Variants in CAMSAP1 observed in about 807,000 individuals in gnomAD.
CAMSAP1 encodes the protein calmodulin regulated spectrin associated protein 1, also known as calmodulin-regulated spectrin-associated protein 1.
Under a neutral mutation model 143.5 loss-of-function variants are expected in CAMSAP1, and 58 were observed. The observed-to-expected ratio is 0.40, with a 90% confidence interval of 0.33 to 0.50. The LOEUF is 0.50. Ranked by LOEUF, CAMSAP1 falls within the 20% of genes least tolerant of loss-of-function variation. The pLI, the probability that CAMSAP1 is intolerant of heterozygous loss-of-function variation, is 0.45. For synonymous variants in CAMSAP1, 945 were observed against 859.3 expected (o/e 1.10, Z -1.74); for missense variants, 1,969 against 2,115.7 (o/e 0.93, Z 1.36).
chr9:135,846,139 G>T (rs1836541128), intron 7 of CAMSAP1, among the ~76,000 whole-genome samples: 1 of 144,342 alleles, frequency 6.9e-6, no homozygotes, highest in Admixed American at 6.9e-5. Context: ...TATACTACAA[G>T]GCTATAGTAA....
chr9:135,839,872 C>A, intron 7 of CAMSAP1, among the ~76,000 whole-genome samples: 1 of 152,008 alleles, frequency 6.6e-6, no homozygotes, highest in East Asian at 1.9e-4. Flanking sequence ...AAAGCCTGGG[C>A]ACAGTTAACA....
chr9:135,894,587 G>A (rs1838390803), intron 1 of CAMSAP1, among the ~76,000 whole-genome samples: 1 of 152,174 alleles, frequency 6.6e-6, no homozygotes, highest in Non-Finnish European at 1.5e-5. Flanking sequence ...CCAGGGGAGA[G>A]GCTAAGTCAA....
Position 135,882,037 on chromosome 9 carries a change from G to A in CAMSAP1, c.424-243C>T, listed in dbSNP as rs941109778. On this transcript the variant is annotated intron_variant, in intron 2 of 16. Transcript: ENST00000389532. This position sits in a 1 kb window ranked among gnomAD's most constrained non-coding sequence, Gnocchi z 4.9. The stretch of plus-strand genomic sequence containing the variant: ...AGTCCGTTCTCAGGCAGGCAGGCCA[G>A]CCCTGTGGCCCACAGTGCACTGTCT... Among the ~76,000 whole-genome samples the A allele has an allele frequency of 1.2e-3, 179 of 152,240 alleles. 6 individuals carry two copies. The highest frequency in any genetic ancestry group is 0.011 in the Admixed American group (175 of 15,290).
chr9:135,887,925 T>G (rs1186757149), intron 1 of CAMSAP1, among the ~76,000 whole-genome samples: 3 of 151,960 alleles, frequency 2.0e-5, no homozygotes, highest in Non-Finnish European at 2.9e-5. Context: ...TGGACTGCTG[T>G]GGGGCAGGCC....
intron 3 of CAMSAP1, among the ~76,000 whole-genome samples, chr9:135,872,710 T>C (rs1165293712): frequency 1.3e-5 from 2 of 152,196 alleles, no homozygotes; most frequent in East Asian, 3.8e-4. Flanking sequence ...TGAATCCACA[T>C]CCACATTAAA....
intron 7 of CAMSAP1, among the ~76,000 whole-genome samples, chr9:135,848,485 C>T (rs976704128): frequency 1.8e-4 from 28 of 151,822 alleles, no homozygotes; most frequent in Non-Finnish European, 3.2e-4. Context: ...GCCCAATGAA[C>T]CACTGCCTTT....
intron 3 of CAMSAP1, among the ~76,000 whole-genome samples, chr9:135,867,036 A>C (rs766086681): frequency 3.9e-5 from 6 of 152,238 alleles, no homozygotes; most frequent in Admixed American, 6.5e-5. Context: ...AACTTCTTAG[A>C]AATTTAAGTA....
At chr9:135,885,405 C>A (rs1431101952) in intron 1 of CAMSAP1, among the ~76,000 whole-genome samples, 2 of 152,144 alleles carry the variant, frequency 1.3e-5, no homozygotes, top group East Asian at 1.9e-4. Flanking sequence ...ATGCAGTCCC[C>A]CTAGGAGAGC....
intron 7 of CAMSAP1, among the ~76,000 whole-genome samples, chr9:135,848,951 G>A (rs1030476133): frequency 3.3e-5 from 5 of 152,200 alleles, no homozygotes; most frequent in African/African-American, 9.7e-5. Flanking sequence ...TAACACTCTC[G>A]CCAGCAGTGG....
In CAMSAP1 at chr9:135,810,217, CT is replaced by C. The variant is rs1305233665; in HGVS notation, c.*1091del. On this transcript the variant is annotated 3_prime_UTR_variant, in exon 17 of 17. Transcript: ENST00000389532. ...CCACTTACTTGGAGTTCTGAAATAA[CT>C]GCAAATAACCACTTAATTGTTTTTA... 6.6e-6 allele frequency: 1 copy of C among 152,284 alleles called. No homozygotes were observed. The highest frequency in any genetic ancestry group is 2.4e-5 in the African/African-American group (1 of 41,450). 9.4% of individuals were successfully genotyped at this position (152,284 alleles called of 1,614,324 possible). A position where few individuals can be genotyped will look rare whatever the true frequency, so the allele number is the denominator to read the frequency against.
intron 16 of CAMSAP1, among the ~76,000 whole-genome samples, chr9:135,812,353 C>A (rs940475575): frequency 6.6e-6 from 1 of 152,032 alleles, no homozygotes; most frequent in Non-Finnish European, 1.5e-5. Flanking sequence ...AATGGAGGTC[C>A]GGTACACACT....
chr9:135,856,178 T>C (rs900587051), intron 5 of CAMSAP1, among the ~76,000 whole-genome samples: 1 of 152,212 alleles, frequency 6.6e-6, no homozygotes, highest in Non-Finnish European at 1.5e-5. Flanking sequence ...TACCTGAGAC[T>C]GGGCAATTTA....
In CAMSAP1 at chr9:135,820,946, A is replaced by C. The variant is rs1835425194; in HGVS notation, c.3715T>G (p.Ser1239Ala). 1 of 1,613,678 alleles carries C rather than the reference A, an allele frequency of 6.2e-7. No homozygotes were observed. The highest frequency in any genetic ancestry group is 8.5e-7 in the Non-Finnish European group (1 of 1,179,762). ...TCCTCGTCGGGGGCCTTCAGGTCGGAGAGGTCCACTTCAATGAGGCTGGCC... is the reference window on the plus strand; with the variant it reads ...TCCTCGTCGGGGGCCTTCAGGTCGGCGAGGTCCACTTCAATGAGGCTGGCC... Reference protein sequence around the residue: ...SRASLIEVDLSDLKAPDEDGE... With the variant: ...SRASLIEVDLADLKAPDEDGE... Residue 1239 changes from serine (S) to alanine (A), a missense_variant, in exon 11 of 17, where the codon TCC becomes GCC. This residue lies in a region of CAMSAP1 where 1,390 missense variants were observed against 1,420.8 expected (regional missense o/e 0.98). Transcript: ENST00000389532. This position sits in a 1 kb window ranked among gnomAD's most constrained non-coding sequence, Gnocchi z 4.4.
At chr9:135,836,563 A>G (rs1158374662) in intron 7 of CAMSAP1, 2 of 980,948 alleles carry the variant, frequency 2.0e-6, no homozygotes, top group Admixed American at 6.3e-5. Context: ...CGTTCTACAG[A>G]CACACATCAC....
At chr9:135,819,483 G>A (rs933375529) in intron 11 of CAMSAP1, among the ~76,000 whole-genome samples, 7 of 152,080 alleles carry the variant, frequency 4.6e-5, no homozygotes, top group African/African-American at 1.7e-4. Flanking sequence ...TGAATCACTT[G>A]AGGTCAGGAG....
rs567091743 is a variant in CAMSAP1 at position 135,882,310 on chromosome 9, A to G, written c.423+506T>C. 6.6e-6 allele frequency among the ~76,000 whole-genome samples: 1 copy of G among 152,194 alleles called. No individual in the cohort carries two copies. The highest frequency in any genetic ancestry group is 1.5e-5 in the Non-Finnish European group (1 of 68,026). On this transcript the variant is annotated intron_variant, in intron 2 of 16. Transcript: ENST00000389532. This position sits in a 1 kb window ranked among gnomAD's most constrained non-coding sequence, Gnocchi z 4.9. ...CACGGCACCCGCAGTCTCACCGGGA[A>G]CGCCATGGGAGCAACCAAACAAAGG...
intron 10 of CAMSAP1, among the ~76,000 whole-genome samples, 162 bp from the exon 11 acceptor site, chr9:135,823,422 T>C (rs2131666292): frequency 1.3e-5 from 2 of 152,348 alleles, no homozygotes; most frequent in East Asian, 3.9e-4. Context: ...TCAGAGATAA[T>C]TTCAGCTTTG....
intron 7 of CAMSAP1, among the ~76,000 whole-genome samples, chr9:135,828,481 G>A (rs1835751497): frequency 6.6e-6 from 1 of 152,194 alleles, no homozygotes; most frequent in Admixed American, 6.5e-5. Context: ...TACAGCCAGG[G>A]GCCAGGACCA....
At chr9:135,863,416 C>A (rs968117321) in intron 4 of CAMSAP1, among the ~76,000 whole-genome samples, 16 of 152,214 alleles carry the variant, frequency 1.1e-4, no homozygotes, top group African/African-American at 3.9e-4. Context: ...CATTAACAGC[C>A]ACGATACAGC....
Sources: allele counts gnomAD v4.1 joint callset (sites outside exome capture counted in the v4.1 genomes callset), GRCh38; gene constraint gnomAD v4.1.1; regional missense constraint gnomAD v4.1.1; non-coding constraint Gnocchi (gnomAD v3.1); transcripts MANE v1.5; gene names NCBI Gene and HGNC (gene_info 2026-07-23, HGNC 2026-07-21).